The following DNER variants were observed in gnomAD, a reference collection of about 807,000 sequenced individuals.
DNER encodes the protein delta and Notch-like epidermal growth factor-related receptor.
DNER carries 33 observed loss-of-function variants against 78.2 expected under a neutral mutation model. The ratio of observed to expected loss-of-function variants is 0.42; its 90% CI spans 0.32 to 0.56. The LOEUF is 0.56. Among genes scored for constraint, DNER ranks in the 20% least tolerant of loss-of-function variants. The probability of loss-of-function intolerance (pLI) is 0.11; values close to 1 mark genes in which losing one functional copy is unlikely to be tolerated. For missense variants in DNER, 918 were observed against 975.3 expected (o/e 0.94, Z 0.78); for synonymous variants, 417 against 384.8 (o/e 1.08, Z -0.98).
At chr2:229,537,755 T>TTA (rs1696436236) in intron 5 of DNER, among the ~76,000 whole-genome samples, 1 of 151,668 alleles carries the variant, frequency 6.6e-6, no homozygotes, top group African/African-American at 2.4e-5. Context: ...TTTTTTCTTT[T>TTA]TTATTATTAT....
chr2:229,397,966 G>A (rs1333002602), intron 10 of DNER, among the ~76,000 whole-genome samples: 1 of 151,572 alleles, frequency 6.6e-6, no homozygotes, highest in Non-Finnish European at 1.5e-5. Flanking sequence ...AAAAAACCTA[G>A]AAAGAAATAA....
rs571548856 is a variant in DNER, at chr2:229,656,444, G to A, written c.276+57704C>T. 8.5e-5 allele frequency among the ~76,000 whole-genome samples: 13 copies of A among 152,272 alleles called. No individual in the cohort carries two copies. The South Asian group carries it at 2.3e-3, about 27-fold the overall frequency. ...TCACCTCTGGAAAAGTGCAAGGTGA[G>A]GGGCAGACACATGGTGAGATTCATT... On this transcript the variant is annotated intron_variant, in intron 1 of 12. Coordinates refer to ENST00000341772, the MANE Select transcript of DNER (RefSeq NM_139072.4).
intron 4 of DNER, among the ~76,000 whole-genome samples, chr2:229,570,533 A>C (rs1697197777): frequency 6.6e-6 from 1 of 151,898 alleles, no homozygotes; most frequent in African/African-American, 2.4e-5. Flanking sequence ...AGGCTGAGGC[A>C]GGAGAATCCT....
intron 1 of DNER, among the ~76,000 whole-genome samples, chr2:229,705,669 G>T (rs1360555664): frequency 6.6e-6 from 1 of 152,094 alleles, no homozygotes; most frequent in Non-Finnish European, 1.5e-5. Context: ...CAAGCTATAG[G>T]ACCCCAGGTA....
intron 4 of DNER, among the ~76,000 whole-genome samples, chr2:229,558,131 A>G (rs1696887519): frequency 6.6e-6 from 1 of 152,174 alleles, no homozygotes; most frequent in South Asian, 2.1e-4. Context: ...ACAAGAACAG[A>G]AAGCCAAACA....
chr2:229,676,140 A>T (rs761450314), intron 1 of DNER, among the ~76,000 whole-genome samples: 1 of 152,216 alleles, frequency 6.6e-6, no homozygotes, highest in Non-Finnish European at 1.5e-5. Context: ...AAGGGAGCTA[A>T]TGATTCTAAG....
chr2:229,381,856 G>A (rs556925422), intron 11 of DNER, among the ~76,000 whole-genome samples: 2 of 152,322 alleles, frequency 1.3e-5, no homozygotes, highest in African/African-American at 4.8e-5. Flanking sequence ...TGCAGCTTCA[G>A]CAGACTTAAA....
At chr2:229,633,203 T>C (rs529171017) in intron 1 of DNER, among the ~76,000 whole-genome samples, 1 of 152,314 alleles carries the variant, frequency 6.6e-6, no homozygotes, top group Non-Finnish European at 1.5e-5. Flanking sequence ...AGATAATGGT[T>C]GAGCCAGTTC....
At chr2:229,618,531 T>C (rs1440632030) in intron 1 of DNER, among the ~76,000 whole-genome samples, 1 of 152,166 alleles carries the variant, frequency 6.6e-6, no homozygotes, top group Non-Finnish European at 1.5e-5. Context: ...GTGATGTAGC[T>C]CGCCACGCAT....
intron 1 of DNER, among the ~76,000 whole-genome samples, chr2:229,668,417 T>TTTATATATATATATATATATATATACAC (rs1228123325): frequency 0.03 from 327 of 11,004 alleles, 2 homozygotes; most frequent in Non-Finnish European, 0.13. Flanking sequence ...AAAATATTCT[T>TTTATATATATATATATATATATATACAC]TTATATATAT....
At chr2:229,437,628 G>A (rs1268723160) in intron 8 of DNER, among the ~76,000 whole-genome samples, 8 of 152,182 alleles carry the variant, frequency 5.3e-5, no homozygotes, top group African/African-American at 1.9e-4. Context: ...TTGTTACAGA[G>A]TTTCCAATCC....
chr2:229,427,803 A>G (rs566328136), intron 8 of DNER, among the ~76,000 whole-genome samples: 3 of 152,306 alleles, frequency 2.0e-5, no homozygotes, highest in South Asian at 2.1e-4. Context: ...TGGGCTGGGC[A>G]TGGTGGCTCA....
At chr2:229,672,449 A>G (rs1402076653) in intron 1 of DNER, among the ~76,000 whole-genome samples, 1 of 151,236 alleles carries the variant, frequency 6.6e-6, no homozygotes, top group Non-Finnish European at 1.5e-5. Flanking sequence ...GGTGGTGAGG[A>G]TAACTGAGAA....
At chr2:229,695,019 C>G (rs929417207) in intron 1 of DNER, among the ~76,000 whole-genome samples, 1 of 152,172 alleles carries the variant, frequency 6.6e-6, no homozygotes. Context: ...CTGCTCTTTT[C>G]ATGACAGTGA....
intron 1 of DNER, among the ~76,000 whole-genome samples, chr2:229,645,670 T>A (rs1698705688): frequency 1.3e-5 from 2 of 152,154 alleles, no homozygotes. Context: ...TCACCCTGTA[T>A]AAAAGCTGGT....
intron 7 of DNER, among the ~76,000 whole-genome samples, chr2:229,472,162 T>A (rs1338195629): frequency 6.6e-6 from 1 of 152,230 alleles, no homozygotes; most frequent in East Asian, 1.9e-4. Flanking sequence ...CATAATCTTA[T>A]CCCATAGGAA....
intron 4 of DNER, among the ~76,000 whole-genome samples, chr2:229,561,753 T>G (rs773789127): frequency 3.9e-5 from 6 of 152,186 alleles, no homozygotes; most frequent in Non-Finnish European, 7.3e-5. Flanking sequence ...TTTGTCCTAG[T>G]TGAGTATTTG....
intron 1 of DNER, chr2:229,606,114 G>GGAATGA (rs1174927620): frequency 2.6e-5 from 4 of 152,188 alleles, no homozygotes; most frequent in Non-Finnish European, 5.9e-5. Context: ...TCAAGTTTCA[G>GGAATGA]GAATGATTAG....
chr2:229,377,008 T>C (rs1240341634), intron 11 of DNER, among the ~76,000 whole-genome samples: 3 of 152,210 alleles, frequency 2.0e-5, no homozygotes, highest in Non-Finnish European at 4.4e-5. Context: ...TCTATACCTC[T>C]GGCCCCAGGA....
Sources: allele counts gnomAD v4.1 joint callset (sites outside exome capture counted in the v4.1 genomes callset), GRCh38; gene constraint gnomAD v4.1.1; transcripts MANE v1.5; gene names NCBI Gene and HGNC (gene_info 2026-07-23, HGNC 2026-07-21).